Variants in SNTB1 observed in about 807,000 individuals in gnomAD.
SNTB1 encodes beta-1-syntrophin.
A neutral mutation model predicts 48.9 loss-of-function variants in SNTB1; 36 were observed. The ratio of observed to expected loss-of-function variants is 0.74; its 90% confidence interval spans 0.56 to 0.97. SNTB1 has a LOEUF of 0.97. SNTB1 is among the 50% of genes least tolerant of loss of function. SNTB1 has a pLI of 0.00. For missense variants in SNTB1, 786 were observed against 703.4 expected (o/e 1.12, Z -1.33); for synonymous variants, 299 against 294.6 (o/e 1.01, Z -0.15).
intron 3 of SNTB1, among the ~76,000 whole-genome samples, chr8:120,583,560 C>CACACACAAAAAAAA (rs1466831833): frequency 7.4e-6 from 1 of 134,710 alleles, no homozygotes; most frequent in African/African-American, 2.7e-5. Context: ...CACACACACA[C>CACACACAAAAAAAA]AAAACTGGAA....
intron 2 of SNTB1, among the ~76,000 whole-genome samples, chr8:120,638,637 A>G (rs950843857): frequency 1.3e-5 from 2 of 152,038 alleles, no homozygotes; most frequent in African/African-American, 4.8e-5. Flanking sequence ...ATTCCCACCT[A>G]TGAGTGAGAA....
intron 3 of SNTB1, among the ~76,000 whole-genome samples, chr8:120,604,984 A>G (rs1237462314): frequency 6.6e-6 from 1 of 152,200 alleles, no homozygotes; most frequent in Non-Finnish European, 1.5e-5. Context: ...AAATACTTGA[A>G]AAATCTCAGA....
intron 2 of SNTB1, among the ~76,000 whole-genome samples, chr8:120,671,188 C>T (rs1350664318): frequency 6.6e-6 from 1 of 152,134 alleles, no homozygotes; most frequent in African/African-American, 2.4e-5. Context: ...TTACCCCCAT[C>T]TCCCTATATA....
Position 120,637,430 on chromosome 8 carries a change from TG to T in SNTB1, c.789-4780del, listed in dbSNP as rs1201208237. On this transcript the variant is annotated intron_variant, in intron 2 of 6. Coordinates refer to ENST00000517992, the MANE Select transcript of SNTB1 (RefSeq NM_021021.4). ...TTGCTCATAAATCACTGTTTATCTC[TG>T]TACCTTCATATTAAAAGGCTTTGAT... 6.4e-5 allele frequency: 13 copies of T among 203,362 alleles called. No individual in the cohort carries two copies. In the East Asian group the frequency reaches 2.1e-3, roughly 33 times the overall value. The allele number at this position is 203,362 out of a possible 1,614,324, so 12.6% of individuals were successfully genotyped here. A position where few individuals can be genotyped will look rare whatever the true frequency, so the allele number is the denominator to read the frequency against.
intron 1 of SNTB1, among the ~76,000 whole-genome samples, chr8:120,782,386 G>A (rs780143262): frequency 2.0e-4 from 30 of 151,742 alleles, no homozygotes; most frequent in Non-Finnish European, 3.2e-4. Flanking sequence ...GCCTTCCCTC[G>A]AACATTTAGA....
At chr8:120,600,023 C>G (rs1816397785) in intron 3 of SNTB1, among the ~76,000 whole-genome samples, 1 of 152,202 alleles carries the variant, frequency 6.6e-6, no homozygotes, top group Non-Finnish European at 1.5e-5. Flanking sequence ...AAAACATGAT[C>G]TAGCTCCTCA....
intron 6 of SNTB1, among the ~76,000 whole-genome samples, chr8:120,540,870 G>C (rs1478973801): frequency 6.6e-6 from 1 of 152,076 alleles, no homozygotes; most frequent in African/African-American, 2.4e-5. Context: ...TAGAAGAGTG[G>C]GGCTGCAATT....
intron 2 of SNTB1, among the ~76,000 whole-genome samples, chr8:120,672,350 T>C (rs571811648): frequency 4.9e-4 from 75 of 152,318 alleles, no homozygotes; most frequent in African/African-American, 1.8e-3. Context: ...TAGAGCAACA[T>C]GTAAGTTACT....
intron 3 of SNTB1, among the ~76,000 whole-genome samples, chr8:120,610,749 G>A (rs938132003): frequency 1.2e-4 from 18 of 152,254 alleles, no homozygotes; most frequent in Admixed American, 9.8e-4. Flanking sequence ...CTGAGATCTT[G>A]TTGGGAAGCT....
intron 5 of SNTB1, among the ~76,000 whole-genome samples, chr8:120,548,267 T>G (rs551953626): frequency 1.3e-5 from 2 of 152,294 alleles, no homozygotes; most frequent in East Asian, 3.9e-4. Flanking sequence ...TCTGCAGAAC[T>G]GGGAGCCAAA....
chr8:120,676,762 TTAAAAC>T (rs1272129470), intron 2 of SNTB1, among the ~76,000 whole-genome samples: 1 of 152,068 alleles, frequency 6.6e-6, no homozygotes, highest in Non-Finnish European at 1.5e-5. Context: ...GGTGGCACAA[TTAAAAC>T]TAAACAGCTG....
chr8:120,607,158 C>T (rs528734013), intron 3 of SNTB1, among the ~76,000 whole-genome samples: 1 of 151,992 alleles, frequency 6.6e-6, no homozygotes, highest in South Asian at 2.1e-4. Context: ...ATAAAGATTC[C>T]AAGTATAATA....
intron 2 of SNTB1, among the ~76,000 whole-genome samples, chr8:120,690,359 A>G (rs1818104559): frequency 6.6e-6 from 1 of 152,136 alleles, no homozygotes; most frequent in African/African-American, 2.4e-5. Context: ...ACTTGCCCTT[A>G]CTTGGATGGA....
intron 2 of SNTB1, among the ~76,000 whole-genome samples, chr8:120,649,549 G>C (rs1391005412): frequency 2.8e-5 from 4 of 141,514 alleles, no homozygotes; most frequent in African/African-American, 1.0e-4. Context: ...TGCGTGCTGG[G>C]AGAACCACTG....
intron 3 of SNTB1, among the ~76,000 whole-genome samples, chr8:120,602,329 T>C (rs1816433582): frequency 6.6e-6 from 1 of 152,216 alleles, no homozygotes; most frequent in African/African-American, 2.4e-5. Context: ...TATGCCACTG[T>C]TTGGTCAAAT....
intron 2 of SNTB1, among the ~76,000 whole-genome samples, chr8:120,666,147 G>A (rs1362532361): frequency 6.6e-6 from 1 of 152,174 alleles, no homozygotes; most frequent in Non-Finnish European, 1.5e-5. Flanking sequence ...AATCAATGAG[G>A]AAAGTGTTAC....
At chr8:120,736,191 C>T (rs1563584777) in intron 1 of SNTB1, among the ~76,000 whole-genome samples, 1 of 152,142 alleles carries the variant, frequency 6.6e-6, no homozygotes, top group Non-Finnish European at 1.5e-5. Context: ...GAGAACAGAA[C>T]TGTCCCCATG....
At chr8:120,667,178 C>T (rs62526751) in intron 2 of SNTB1, among the ~76,000 whole-genome samples, 7 of 31,028 alleles carry the variant, frequency 2.3e-4, no homozygotes, top group Non-Finnish European at 3.4e-4. Context: ...TTCACTGCAG[C>T]GGCACCATCA....
chr8:120,735,769 C>T (rs1364412996), intron 1 of SNTB1, among the ~76,000 whole-genome samples: 1 of 152,100 alleles, frequency 6.6e-6, no homozygotes, highest in Admixed American at 6.6e-5. Flanking sequence ...GTAGCCTTGG[C>T]AAACTAATAC....
Sources: gnomAD v4.1 joint callset for allele counts (sites outside exome capture counted in the v4.1 genomes callset) on GRCh38, gnomAD v4.1.1 for gene constraint, MANE v1.5 for transcripts, NCBI Gene and HGNC (gene_info 2026-07-23, HGNC 2026-07-21) for gene names.